Variants in POLR2B observed in about 807,000 individuals in gnomAD.
POLR2B encodes the protein RNA polymerase II subunit B.
Under a neutral mutation model 144.6 loss-of-function variants are expected in POLR2B, and 57 were observed. That is an observed-to-expected ratio of 0.39 (90% CI 0.32 to 0.49). The LOEUF is 0.49. POLR2B is among the 20% of genes least tolerant of loss of function. The pLI is 0.83. For missense variants in POLR2B, 595 were observed against 1,467.4 expected, an observed-to-expected ratio of 0.41 and a Z score of 9.71; for synonymous variants, 442 against 469.8, an observed-to-expected ratio of 0.94 and a Z score of 0.77.
Position 57,017,572 on chromosome 4 carries a change from A to G in POLR2B, c.2167A>G (p.Thr723Ala). The change falls in exon 16 of 25, where the codon ACA becomes GCA. Residue 723 changes from threonine to alanine, a missense_variant. Transcript: ENST00000314595. This position sits in a 1 kb window ranked among gnomAD's most constrained non-coding sequence, Gnocchi z 4.8. ...FPDHNQSPRN[T>A]YQSAMGKQAM... is the part of the protein sequence containing the mutation. ...TTTTTACGTTTAGTCCCCTAGAAAC[A>G]CATACCAGTCTGCTATGGGTAAGCA... is the stretch of plus-strand genomic sequence containing the variant. 6.2e-7 allele frequency: 1 copy of G among 1,607,770 alleles called. No individual in the cohort carries two copies. Among genetic ancestry groups the G allele is most frequent in the Non-Finnish European group, 8.5e-7 (1 of 1,178,238 alleles).
chr4:57,016,917 T>C (rs531523718), intron 14 of POLR2B, 126 bp from the exon 15 acceptor site: 1 of 253,838 alleles, frequency 3.9e-6, no homozygotes, highest in East Asian at 8.5e-5. Flanking sequence ...TATATATAAA[T>C]ATATATGTAT....
intron 23 of POLR2B, among the ~76,000 whole-genome samples, chr4:57,029,422 G>A (rs1723836533): frequency 6.6e-6 from 1 of 152,130 alleles, no homozygotes; most frequent in South Asian, 2.1e-4. Flanking sequence ...TAGTGAGCTG[G>A]TTGTCTAATG....
chr4:57,026,453 A>G (rs1723723121), intron 23 of POLR2B, among the ~76,000 whole-genome samples: 1 of 152,174 alleles, frequency 6.6e-6, no homozygotes, highest in South Asian at 2.1e-4. Context: ...CTTTAAAACA[A>G]TGGTTCTCAA....
intron 21 of POLR2B, among the ~76,000 whole-genome samples, chr4:57,024,373 T>C (rs1003165872): frequency 6.6e-6 from 1 of 152,246 alleles, no homozygotes; most frequent in Admixed American, 6.5e-5. Context: ...TTTCTGTAGA[T>C]GAACAGTTAA....
At chr4:56,980,979 AT>A (rs1578550893) in intron 1 of POLR2B, among the ~76,000 whole-genome samples, 1 of 151,720 alleles carries the variant, frequency 6.6e-6, no homozygotes, top group South Asian at 2.1e-4. Context: ...TAATTTTAGT[AT>A]TTTTAGTAGA....
chr4:57,026,049 C>T (rs1456802808), intron 23 of POLR2B, among the ~76,000 whole-genome samples: 2 of 151,966 alleles, frequency 1.3e-5, no homozygotes, highest in East Asian at 1.9e-4. Flanking sequence ...CCAGCCTGGT[C>T]AACATGGCAA....
chr4:57,013,468 C>T lies in POLR2B; in HGVS notation c.1801-2034C>T, dbSNP rs1723264839. 2.0e-5 allele frequency among the ~76,000 whole-genome samples: 3 copies of T among 152,142 alleles called. No individual in the cohort carries two copies. The South Asian group carries it at 6.2e-4, about 31-fold the overall frequency. On this transcript the variant is annotated intron_variant, in intron 13 of 24. Coordinates refer to ENST00000314595, the MANE Select transcript of POLR2B (RefSeq NM_000938.3). ...TATGTTGCCCAGTTGGTCTTGAACT[C>T]CTGGGCTCAAGCAGTCCTTCCTGCC...
intron 23 of POLR2B, among the ~76,000 whole-genome samples, chr4:57,025,974 T>C (rs957106600): frequency 3.3e-5 from 5 of 152,048 alleles, no homozygotes; most frequent in South Asian, 2.1e-4. Flanking sequence ...CAATGGCTCA[T>C]GTCTGCAATC....
intron 6 of POLR2B, 127 bp downstream of exon 6, chr4:56,995,536 C>A: frequency 1.8e-6 from 1 of 562,778 alleles, no homozygotes; most frequent in Non-Finnish European, 3.0e-6. Flanking sequence ...GTATTGTTTA[C>A]CTATCGCTGT....
chr4:57,017,085 T>TA lies in POLR2B; in HGVS notation c.1999dup (p.Thr667AsnfsTer15). 6.2e-7 allele frequency: 1 copy of TA among 1,613,040 alleles called. No individual in the cohort carries two copies. Among genetic ancestry groups the TA allele is most frequent in the Non-Finnish European group, 8.5e-7 (1 of 1,179,524 alleles). ...CCAGTGGGGTAGTGGAGTATATTGA[T>TA]ACCCTGGAAGAAGAAACAGTGATGC... On this transcript the variant is annotated frameshift_variant, in exon 15 of 25. Coordinates refer to ENST00000314595, the MANE Select transcript of POLR2B (RefSeq NM_000938.3). LOFTEE classifies it high-confidence loss of function. This position sits in a 1 kb window ranked among gnomAD's most constrained non-coding sequence, Gnocchi z 4.8.
chr4:57,011,232 T>G (rs1723177734), intron 13 of POLR2B, 132 bp downstream of exon 13: 1 of 665,856 alleles, frequency 1.5e-6, no homozygotes, highest in Non-Finnish European at 2.6e-6. Flanking sequence ...GTAAATTTAA[T>G]TATAAGTTAT....
intron 10 of POLR2B, 33 bp from the exon 11 acceptor site, chr4:57,010,328 T>A: frequency 6.2e-7 from 1 of 1,606,114 alleles, no homozygotes; most frequent in African/African-American, 1.3e-5. Flanking sequence ...CACAGAAATG[T>A]CCAGACTTTA....
chr4:56,999,753 A>G lies in POLR2B; in HGVS notation c.872A>G (p.Asp291Gly), dbSNP rs1407303453. ...GATATTTTAGAACATATTATTTATG[A>G]TTTTGAAGATCCAGAGATGATGGAA... ...DRDILEHIIY[D>G]FEDPEMMEMV... is the part of the protein sequence containing the mutation. The change falls in exon 7 of 25, where the codon GAT (aspartate) becomes GGT (glycine). Residue 291 changes from aspartate (D) to glycine (G), a missense_variant. This residue lies in a region of POLR2B where 251 missense variants were observed against 567.3 expected (regional missense o/e 0.44). Coordinates refer to ENST00000314595, the MANE Select transcript of POLR2B (RefSeq NM_000938.3). 4.3e-6 allele frequency: 7 copies of G among 1,610,034 alleles called. No individual in the cohort carries two copies. Among genetic ancestry groups the G allele is most frequent in the Non-Finnish European group, 5.9e-6 (7 of 1,177,154 alleles).
intron 23 of POLR2B, among the ~76,000 whole-genome samples, chr4:57,027,805 T>C (rs1723773272): frequency 2.0e-5 from 3 of 152,222 alleles, no homozygotes; most frequent in South Asian, 4.1e-4. Flanking sequence ...TTGGAAAATA[T>C]TGGTTTGCTG....
rs1234861425 is a variant in POLR2B, at chr4:56,979,607, CTGTT to C, written c.19+610_19+613del. On this transcript the variant is annotated intron_variant, in intron 1 of 24. Coordinates refer to ENST00000314595, the MANE Select transcript of POLR2B (RefSeq NM_000938.3). ...GCTGCACTGGGCCAATGTATAATACCTGTTTGTTTGCGCATATGGAATTCTTAGT... is the reference window on the plus strand; with the variant it reads ...GCTGCACTGGGCCAATGTATAATACCTGTTTGCGCATATGGAATTCTTAGT... 8.5e-5 allele frequency among the ~76,000 whole-genome samples: 13 copies of C among 152,294 alleles called. No homozygotes were observed. In the East Asian group the frequency reaches 1.4e-3, roughly 16 times the overall value.
In POLR2B at chr4:57,023,606, T is replaced by G; in HGVS notation, c.2766+26T>G. 1 of 1,612,384 alleles carries G rather than the reference T, an allele frequency of 6.2e-7. No homozygotes were observed. The highest frequency in any genetic ancestry group is 1.1e-5 in the South Asian group (1 of 90,982). ...GTGAGTACAACTTTGTTCATGTAGCTAGTTTTAGAAAGTAAACCAAATCCA... is the reference window on the plus strand; with the variant it reads ...GTGAGTACAACTTTGTTCATGTAGCGAGTTTTAGAAAGTAAACCAAATCCA... On this transcript the variant is annotated intron_variant, in intron 19 of 24. Coordinates refer to ENST00000314595, the MANE Select transcript of POLR2B (RefSeq NM_000938.3). This position sits in a 1 kb window ranked among gnomAD's most constrained non-coding sequence, Gnocchi z 4.3.
At position 57,005,294 on chromosome 4, in the gene POLR2B, G is replaced by C. The variant is rs759419662; in HGVS notation, c.949G>C (p.Ala317Pro). The C allele has an allele frequency of 6.3e-7, 1 of 1,598,360 alleles. No homozygotes were observed. Among genetic ancestry groups the C allele is most frequent in the African/African-American group, 1.3e-5 (1 of 74,116 alleles). The change falls in exon 8 of 25, where the codon GCA (alanine) becomes CCA (proline). Residue 317 changes from alanine to proline, a missense_variant. Ala to Pro is a conservative substitution (Grantham distance 27). Coordinates refer to ENST00000314595, the MANE Select transcript of POLR2B (RefSeq NM_000938.3). ...EAFVIQEQNV[A>P]LNFIGSRGAK... ...TTTTGTCATCCAAGAACAGAATGTTGCACTAAATTTCATTGGTTCAAGAGG... is the reference window on the plus strand; with the variant it reads ...TTTTGTCATCCAAGAACAGAATGTTCCACTAAATTTCATTGGTTCAAGAGG...
chr4:56,984,775 ATG>A (rs1722265186), intron 1 of POLR2B, among the ~76,000 whole-genome samples: 1 of 152,210 alleles, frequency 6.6e-6, no homozygotes, highest in Non-Finnish European at 1.5e-5. Context: ...TAGGCTATAT[ATG>A]TGTACATTAG....
intron 23 of POLR2B, among the ~76,000 whole-genome samples, chr4:57,029,693 C>T (rs909055234): frequency 6.6e-6 from 1 of 152,146 alleles, no homozygotes; most frequent in Non-Finnish European, 1.5e-5. Context: ...GACAGTCATT[C>T]CATTGACAAG....
Sources: gnomAD v4.1 joint callset for allele counts (sites outside exome capture counted in the v4.1 genomes callset) on GRCh38, gnomAD v4.1.1 for gene constraint, gnomAD v4.1.1 regional missense constraint, Gnocchi (gnomAD v3.1) non-coding constraint, MANE v1.5 for transcripts, NCBI Gene and HGNC (gene_info 2026-07-23, HGNC 2026-07-21) for gene names.